RNGTT: variants seen among roughly 807,000 people sequenced by gnomAD.
RNGTT encodes the protein RNA guanylyltransferase and 5'-phosphatase, also known as mRNA-capping enzyme.
A neutral mutation model predicts 79.3 loss-of-function variants in RNGTT; 33 were observed. That is an observed-to-expected ratio of 0.42 (90% CI 0.32 to 0.56). The LOEUF (loss-of-function observed/expected upper bound fraction) is 0.56, where lower values mean the gene tolerates loss of function less well. Ranked by LOEUF, RNGTT falls within the 20% of genes least tolerant of loss-of-function variation. The pLI is 0.17. For synonymous variants in RNGTT, 222 were observed against 235.9 expected (o/e 0.94, Z 0.54); for missense variants, 497 against 739.1 (o/e 0.67, Z 3.80).
chr6:88,742,153 G>T (rs543255723), intron 13 of RNGTT, among the ~76,000 whole-genome samples: 1 of 152,258 alleles, frequency 6.6e-6, no homozygotes, highest in East Asian at 1.9e-4. Flanking sequence ...CAGACAAATA[G>T]GACATATACA....
At chr6:88,938,505 T>A (rs1218592678) in intron 2 of RNGTT, among the ~76,000 whole-genome samples, 1 of 152,222 alleles carries the variant, frequency 6.6e-6, no homozygotes, top group African/African-American at 2.4e-5. Context: ...ATCTTTTAAA[T>A]GGAAAGTGTA....
chr6:88,701,988 A>C (rs1259621885), intron 13 of RNGTT, among the ~76,000 whole-genome samples: 4 of 152,146 alleles, frequency 2.6e-5, no homozygotes, highest in African/African-American at 9.7e-5. Context: ...ACACAAAAAA[A>C]CCTATGAATA....
chr6:88,685,075 T>C (rs920078149), intron 13 of RNGTT, among the ~76,000 whole-genome samples: 1 of 152,166 alleles, frequency 6.6e-6, no homozygotes, highest in Non-Finnish European at 1.5e-5. Context: ...TCTAGCTATA[T>C]GACATTCGGA....
chr6:88,793,569 A>T (rs551650134), intron 12 of RNGTT, among the ~76,000 whole-genome samples: 1 of 152,230 alleles, frequency 6.6e-6, no homozygotes, highest in African/African-American at 2.4e-5. Context: ...AGTCTATTGA[A>T]ATGATGGTAG....
chr6:88,830,218 C>A (rs1780809038), intron 11 of RNGTT, among the ~76,000 whole-genome samples: 1 of 152,160 alleles, frequency 6.6e-6, no homozygotes, highest in African/African-American at 2.4e-5. Context: ...CAAATTAGAA[C>A]TCAGGATTAA....
intron 11 of RNGTT, among the ~76,000 whole-genome samples, chr6:88,807,770 A>G (rs1780006832): frequency 6.6e-6 from 1 of 152,192 alleles, no homozygotes; most frequent in African/African-American, 2.4e-5. Context: ...AACAAAAAAA[A>G]AAATGTAGGT....
intron 6 of RNGTT, among the ~76,000 whole-genome samples, chr6:88,901,698 G>A (rs995106248): frequency 1.3e-5 from 2 of 151,654 alleles, no homozygotes; most frequent in African/African-American, 2.4e-5. Flanking sequence ...TAGTAGAGAC[G>A]GGGTTTCACC....
At chr6:88,775,573 C>A (rs541500259) in intron 12 of RNGTT, among the ~76,000 whole-genome samples, 3 of 152,274 alleles carry the variant, frequency 2.0e-5, no homozygotes, top group Admixed American at 6.5e-5. Context: ...ACAGTTAGAA[C>A]TGACAGAGTA....
chr6:88,827,702 G>T (rs1165689816), intron 11 of RNGTT, among the ~76,000 whole-genome samples: 1 of 152,142 alleles, frequency 6.6e-6, no homozygotes. Context: ...GGAGCTTGGT[G>T]GGGGGAGGGG....
chr6:88,617,836 T>C (rs1304089821), intron 14 of RNGTT, among the ~76,000 whole-genome samples: 3 of 151,784 alleles, frequency 2.0e-5, no homozygotes, highest in Non-Finnish European at 4.4e-5. Context: ...GTATCTTCTT[T>C]GATTTCTTTC....
intron 14 of RNGTT, among the ~76,000 whole-genome samples, chr6:88,645,317 A>G (rs984194670): frequency 2.0e-5 from 3 of 152,238 alleles, no homozygotes; most frequent in Non-Finnish European, 4.4e-5. Flanking sequence ...GACCTCTTAA[A>G]GGAGAACTAC....
chr6:88,696,205 G>C (rs1424239931), intron 13 of RNGTT, among the ~76,000 whole-genome samples: 3 of 152,024 alleles, frequency 2.0e-5, no homozygotes, highest in African/African-American at 7.3e-5. Context: ...CAATTAGCTT[G>C]GTTTAATAAT....
intron 1 of RNGTT, among the ~76,000 whole-genome samples, chr6:88,948,550 A>G (rs1221937192): frequency 2.3e-3 from 310 of 134,424 alleles, no homozygotes; most frequent in East Asian, 3.0e-3. Flanking sequence ...GCCTCTGCCC[A>G]GCCGCCCCTA....
chr6:88,705,440 A>T (rs1184048766), intron 13 of RNGTT, among the ~76,000 whole-genome samples: 1 of 152,038 alleles, frequency 6.6e-6, no homozygotes. Flanking sequence ...GGTATGCAAA[A>T]CCAAAACTGA....
chr6:88,678,661 A>G (rs1375775872), intron 13 of RNGTT, among the ~76,000 whole-genome samples: 1 of 152,112 alleles, frequency 6.6e-6, no homozygotes, highest in Non-Finnish European at 1.5e-5. Context: ...GTGTGTGCCT[A>G]TAGTCCTAGT....
At chr6:88,647,782 GC>G (rs765474579) in intron 14 of RNGTT, among the ~76,000 whole-genome samples, 22 of 150,646 alleles carry the variant, frequency 1.5e-4, no homozygotes, top group Non-Finnish European at 2.8e-4. Flanking sequence ...CGAAAAACAT[GC>G]CCTGAACAAA....
intron 13 of RNGTT, among the ~76,000 whole-genome samples, chr6:88,689,594 C>CTAA (rs544397914): frequency 1.0e-5 from 1 of 97,430 alleles, no homozygotes; most frequent in Non-Finnish European, 2.3e-5. Flanking sequence ...GACTCTGTCT[C>CTAA]AAAAAAAAAA....
At chr6:88,946,030 G>C (rs1046313316) in intron 1 of RNGTT, among the ~76,000 whole-genome samples, 6 of 152,212 alleles carry the variant, frequency 3.9e-5, no homozygotes, top group Admixed American at 2.0e-4. Flanking sequence ...AGTTGTTTAT[G>C]AGAGAAACTA....
At chr6:88,699,732 A>G (rs1775881917) in intron 13 of RNGTT, among the ~76,000 whole-genome samples, 1 of 152,220 alleles carries the variant, frequency 6.6e-6, no homozygotes, top group Non-Finnish European at 1.5e-5. Context: ...AACATTATTC[A>G]GCCTTAAAAG....
Sources: gnomAD v4.1 joint callset for allele counts (sites outside exome capture counted in the v4.1 genomes callset) on GRCh38, gnomAD v4.1.1 for gene constraint, MANE v1.5 for transcripts, NCBI Gene and HGNC (gene_info 2026-07-23, HGNC 2026-07-21) for gene names.